The following GRIP1 variants were observed in gnomAD, a reference collection of about 807,000 sequenced individuals.
GRIP1 encodes glutamate receptor interacting protein 1.
In GRIP1, 45 loss-of-function variants were observed where a neutral mutation model predicts 129.9. The observed-to-expected ratio is 0.35, with a 90% CI of 0.27 to 0.44. GRIP1 has a LOEUF of 0.44. GRIP1 is among the 20% of genes least tolerant of loss of function. GRIP1 has a pLI of 1.00. For synonymous variants in GRIP1, 530 were observed against 520.8 expected (o/e 1.02, Z -0.24); for missense variants, 1,196 against 1,396.8 (o/e 0.86, Z 2.29).
At chr12:66,454,576 C>A (rs898855764) in intron 11 of GRIP1, among the ~76,000 whole-genome samples, 1 of 152,162 alleles carries the variant, frequency 6.6e-6, no homozygotes, top group South Asian at 2.1e-4. Flanking sequence ...ATTTATATTT[C>A]TTTCTTTTTA....
At chr12:66,507,593 T>C (rs2060569268) in intron 7 of GRIP1, among the ~76,000 whole-genome samples, 1 of 152,234 alleles carries the variant, frequency 6.6e-6, no homozygotes, top group South Asian at 2.1e-4. Context: ...CTATAGTTTT[T>C]GACTGCAAGG....
chr12:66,473,348 T>A (rs778677659), intron 7 of GRIP1, among the ~76,000 whole-genome samples: 2 of 152,098 alleles, frequency 1.3e-5, no homozygotes, highest in East Asian at 1.9e-4. Flanking sequence ...GAGATAAAAC[T>A]CCCATCTCCC....
intron 1 of GRIP1, among the ~76,000 whole-genome samples, chr12:66,886,277 A>G: frequency 6.6e-6 from 1 of 152,012 alleles, no homozygotes; most frequent in Non-Finnish European, 1.5e-5. Context: ...AAACAAAACA[A>G]ACAAAGATTA....
intron 1 of GRIP1, among the ~76,000 whole-genome samples, chr12:67,049,564 G>A (rs1047810264): frequency 5.9e-5 from 9 of 152,236 alleles, no homozygotes; most frequent in Non-Finnish European, 1.2e-4. Flanking sequence ...CCTGTCAGGG[G>A]TTGAAGGGGA....
chr12:66,636,603 A>G (rs1327245303), intron 1 of GRIP1, among the ~76,000 whole-genome samples: 1 of 152,132 alleles, frequency 6.6e-6, no homozygotes, highest in Admixed American at 6.5e-5. Context: ...ATATGACTGC[A>G]TTGGAGATAG....
intron 8 of GRIP1, among the ~76,000 whole-genome samples, chr12:66,463,632 G>A (rs1254059304): frequency 6.6e-6 from 1 of 152,120 alleles, no homozygotes; most frequent in Non-Finnish European, 1.5e-5. Context: ...ATGTTATTCT[G>A]GAGTTGAACA....
At chr12:66,492,554 C>T (rs1565796323) in intron 7 of GRIP1, among the ~76,000 whole-genome samples, 1 of 152,172 alleles carries the variant, frequency 6.6e-6, no homozygotes, top group Non-Finnish European at 1.5e-5. Context: ...GTAATAAGCA[C>T]ACAGTCCAGG....
intron 1 of GRIP1, among the ~76,000 whole-genome samples, chr12:66,907,525 G>A (rs1162775328): frequency 6.6e-6 from 1 of 152,152 alleles, no homozygotes; most frequent in Non-Finnish European, 1.5e-5. Context: ...AAGGTTCCCA[G>A]GAGGAAGCAG....
chr12:66,496,974 C>A (rs1348355055), intron 7 of GRIP1, among the ~76,000 whole-genome samples: 2 of 151,714 alleles, frequency 1.3e-5, no homozygotes, highest in African/African-American at 4.8e-5. Context: ...GCTGTTACTG[C>A]ATCTTTTACT....
intron 1 of GRIP1, among the ~76,000 whole-genome samples, chr12:66,918,137 TCATTA>T (rs2041157003): frequency 6.6e-6 from 1 of 151,524 alleles, no homozygotes; most frequent in East Asian, 1.9e-4. Flanking sequence ...AGCCAATGAT[TCATTA>T]CAGTTTGAGT....
At position 66,456,267 on chromosome 12, in the gene GRIP1, T is replaced by C. The variant is rs1416972463; in HGVS notation, c.1118A>G (p.His373Arg). The change falls in exon 10 of 25, where the codon CAT becomes CGT. Residue 373 changes from histidine to arginine, a missense_variant. Physicochemically the swap from His to Arg is conservative, Grantham distance 29. This residue lies in a region of GRIP1 where 508 missense variants were observed against 587.0 expected (regional missense o/e 0.87). Transcript: ENST00000359742. ...GTCAGGGTGGTACGTGTTATAGTGA[T>C]GGTTGGTGTGAAGGCTGCTGTGGTT... ...ASNHSSLHTNHHYNTYHPDHC... is the reference protein window; with the variant it reads ...ASNHSSLHTNRHYNTYHPDHC... The C allele has an allele frequency of 3.1e-6, 4 of 1,289,426 alleles. No homozygotes were observed. In the African/African-American group the frequency reaches 6.1e-5, roughly 20 times the overall value. 79.9% of individuals were successfully genotyped at this position (1,289,426 alleles called of 1,614,324 possible).
chr12:66,554,405 C>T (rs950422246), intron 2 of GRIP1, among the ~76,000 whole-genome samples: 27 of 152,174 alleles, frequency 1.8e-4, no homozygotes, highest in African/African-American at 6.3e-4. Context: ...AGGTGTAGTA[C>T]ATGCCATGGG....
At chr12:66,785,926 T>A (rs2038328187) in intron 1 of GRIP1, among the ~76,000 whole-genome samples, 1 of 149,364 alleles carries the variant, frequency 6.7e-6, no homozygotes, top group South Asian at 2.1e-4. Context: ...TACAAAAAAA[T>A]TTAAAAATTA....
chr12:66,505,673 C>T (rs2060507366), intron 7 of GRIP1, among the ~76,000 whole-genome samples: 1 of 152,146 alleles, frequency 6.6e-6, no homozygotes, highest in Non-Finnish European at 1.5e-5. Context: ...TTCTTCCAAG[C>T]TTCTGTGTTT....
intron 1 of GRIP1, among the ~76,000 whole-genome samples, chr12:66,896,483 A>G (rs916122163): frequency 6.7e-6 from 1 of 150,122 alleles, no homozygotes; most frequent in African/African-American, 2.5e-5. Flanking sequence ...GGAATTTGAA[A>G]AAAAAAAAAA....
chr12:66,349,826 A>AGAAAT (rs1592663448), intron 24 of GRIP1, among the ~76,000 whole-genome samples: 1 of 151,998 alleles, frequency 6.6e-6, no homozygotes, highest in African/African-American at 2.4e-5. Context: ...TACTAAGAAA[A>AGAAAT]TTTTTTTAAA....
intron 1 of GRIP1, among the ~76,000 whole-genome samples, chr12:66,599,541 T>C (rs10506489): frequency 0.061 from 9,274 of 152,284 alleles, 336 homozygotes; most frequent in East Asian, 0.11. Flanking sequence ...CCAGCTCTCT[T>C]GACGTGATTT....
intron 1 of GRIP1, among the ~76,000 whole-genome samples, chr12:66,768,020 C>T (rs530294435): frequency 1.3e-5 from 2 of 152,126 alleles, no homozygotes; most frequent in African/African-American, 4.8e-5. Context: ...TCAATTCACT[C>T]CAGCAATGAG....
intron 1 of GRIP1, chr12:67,035,378 A>T (rs181010678): frequency 2.0e-5 from 3 of 152,358 alleles, no homozygotes; most frequent in African/African-American, 7.2e-5. Flanking sequence ...GTTAGGGAAC[A>T]AAGTCTGAAT....
Sources: allele counts gnomAD v4.1 joint callset (sites outside exome capture counted in the v4.1 genomes callset), GRCh38; gene constraint gnomAD v4.1.1; regional missense constraint gnomAD v4.1.1; transcripts MANE v1.5; gene names NCBI Gene and HGNC (gene_info 2026-07-23, HGNC 2026-07-21).